MDFIC: variants seen among roughly 807,000 people sequenced by gnomAD.
MDFIC encodes myoD family inhibitor domain-containing protein.
Under a neutral mutation model 23.2 loss-of-function variants are expected in MDFIC, and 17 were observed. The observed-to-expected ratio is 0.73, with a 90% CI of 0.50 to 1.10. The LOEUF is 1.10. Among genes scored for constraint, MDFIC ranks in the 50% least tolerant of loss-of-function variants. MDFIC has a pLI of 0.00. For synonymous variants in MDFIC, 120 were observed against 115.2 expected (o/e 1.04, Z -0.27); for missense variants, 356 against 316.6 (o/e 1.12, Z -0.95).
At chr7:115,008,420 T>G (rs1206015137) in intron 4 of MDFIC, among the ~76,000 whole-genome samples, 1 of 152,174 alleles carries the variant, frequency 6.6e-6, no homozygotes, top group Non-Finnish European at 1.5e-5. Flanking sequence ...AGCTTTTCTC[T>G]AACTTTCTTT....
intron 4 of MDFIC, chr7:115,014,614 CA>C: frequency 9.8e-7 from 1 of 1,021,876 alleles, no homozygotes; most frequent in South Asian, 2.0e-5. Context: ...ATACAAAGTA[CA>C]AAAACAAAAA....
chr7:114,932,303 C>T (rs1052607887), intron 2 of MDFIC, among the ~76,000 whole-genome samples: 2 of 152,016 alleles, frequency 1.3e-5, no homozygotes, highest in African/African-American at 4.8e-5. Flanking sequence ...GACTGAGGCA[C>T]TGGTAGTGGG....
At chr7:114,983,671 G>A (rs1246982608) in intron 4 of MDFIC, among the ~76,000 whole-genome samples, 2 of 147,826 alleles carry the variant, frequency 1.4e-5, no homozygotes, top group African/African-American at 2.5e-5. Flanking sequence ...GAATTCAAGC[G>A]ATTCGCCTGC....
chr7:114,976,736 C>A (rs1793323725), intron 3 of MDFIC, among the ~76,000 whole-genome samples: 1 of 151,950 alleles, frequency 6.6e-6, no homozygotes, highest in African/African-American at 2.4e-5. Flanking sequence ...TTAAAATATG[C>A]TAATAAATGA....
At chr7:114,933,193 A>G (rs1792356932) in intron 2 of MDFIC, among the ~76,000 whole-genome samples, 1 of 152,216 alleles carries the variant, frequency 6.6e-6, no homozygotes, top group Non-Finnish European at 1.5e-5. Flanking sequence ...ATCATGCTGA[A>G]AGACTAAAGA....
intron 2 of MDFIC, among the ~76,000 whole-genome samples, chr7:114,938,222 C>T (rs1451037119): frequency 1.3e-5 from 2 of 152,210 alleles, no homozygotes; most frequent in African/African-American, 4.8e-5. Flanking sequence ...TTCCCAAGTG[C>T]TGGGATTACA....
chr7:114,940,082 C>T (rs1397265336), intron 2 of MDFIC, among the ~76,000 whole-genome samples: 1 of 152,146 alleles, frequency 6.6e-6, no homozygotes, highest in Admixed American at 6.5e-5. Context: ...TTAATTGAAA[C>T]TAACATATCT....
intron 4 of MDFIC, chr7:114,980,125 AAT>A (rs1206050104): frequency 7.0e-5 from 23 of 326,334 alleles, no homozygotes; most frequent in African/African-American, 4.1e-4. Context: ...TCCCTGATGC[AAT>A]ATGTTATTCT....
At chr7:114,937,209 A>T (rs1281603687) in intron 2 of MDFIC, among the ~76,000 whole-genome samples, 1 of 152,168 alleles carries the variant, frequency 6.6e-6, no homozygotes, top group African/African-American at 2.4e-5. Context: ...ATTGGAGAAG[A>T]TTGTTTCTTA....
chr7:114,962,396 C>T (rs1793011324), intron 3 of MDFIC, among the ~76,000 whole-genome samples: 1 of 152,174 alleles, frequency 6.6e-6, no homozygotes, highest in South Asian at 2.1e-4. Context: ...AAAATAATTA[C>T]TTGAAATTAA....
At chr7:114,935,795 T>A (rs1392121854) in intron 2 of MDFIC, among the ~76,000 whole-genome samples, 1 of 151,916 alleles carries the variant, frequency 6.6e-6, no homozygotes, top group Non-Finnish European at 1.5e-5. Context: ...GGAAAAAAAA[T>A]AACATACAGC....
At chr7:114,933,870 G>A (rs925804184) in intron 2 of MDFIC, 3 of 152,182 alleles carry the variant, frequency 2.0e-5, no homozygotes, top group African/African-American at 7.2e-5. Context: ...TGATGAATCA[G>A]TGAAAATTTT....
chr7:114,929,619 A>G (rs145355342), intron 2 of MDFIC, among the ~76,000 whole-genome samples: 45 of 152,270 alleles, frequency 3.0e-4, no homozygotes, highest in African/African-American at 1.0e-3. Context: ...GCAACCTAGG[A>G]GGAGCTGTTG....
intron 2 of MDFIC, among the ~76,000 whole-genome samples, chr7:114,941,877 C>A (rs192314801): frequency 6.6e-6 from 1 of 152,144 alleles, no homozygotes; most frequent in Non-Finnish European, 1.5e-5. Context: ...GGCCGACTTT[C>A]GTCTCTACCA....
chr7:114,982,408 G>T (rs1348173798), intron 4 of MDFIC, among the ~76,000 whole-genome samples: 1 of 152,148 alleles, frequency 6.6e-6, no homozygotes, highest in East Asian at 1.9e-4. Flanking sequence ...TGAGACTAAA[G>T]TTTGGTCAGG....
In MDFIC at chr7:115,016,137, T is replaced by A; in HGVS notation, c.*202T>A. 3 of 535,596 alleles carry A rather than the reference T, an allele frequency of 5.6e-6. No homozygotes were observed. Among genetic ancestry groups the A allele is most frequent in the Non-Finnish European group, 9.6e-6 (3 of 311,018 alleles). The allele number at this position is 535,596 out of a possible 1,614,324, so 33.2% of individuals were successfully genotyped here. On this transcript the variant is annotated 3_prime_UTR_variant, in exon 5 of 5. Transcript: ENST00000393486. ...GTGAAATTTTAACTACTTTAACTAG[T>A]TTTATAAATTTCTTAATATGTTACA...
chr7:114,972,620 T>C (rs1793228346), intron 3 of MDFIC, among the ~76,000 whole-genome samples: 2 of 152,120 alleles, frequency 1.3e-5, no homozygotes, highest in African/African-American at 2.4e-5. Context: ...CAACTTTCTT[T>C]TTCTCTCTTT....
chr7:115,007,008 T>G (rs1377374819), intron 4 of MDFIC, among the ~76,000 whole-genome samples: 1 of 152,198 alleles, frequency 6.6e-6, no homozygotes, highest in Non-Finnish European at 1.5e-5. Context: ...TTTTAAATCT[T>G]CTGCTGTAGC....
intron 4 of MDFIC, among the ~76,000 whole-genome samples, chr7:115,003,296 C>G (rs1791499850): frequency 6.6e-6 from 1 of 152,186 alleles, no homozygotes. Flanking sequence ...CCTTTCACCC[C>G]CCAGCCCCAG....
Sources: allele counts gnomAD v4.1 joint callset (sites outside exome capture counted in the v4.1 genomes callset), GRCh38; gene constraint gnomAD v4.1.1; transcripts MANE v1.5; gene names NCBI Gene and HGNC (gene_info 2026-07-23, HGNC 2026-07-21).